The following HYDIN variants were observed in gnomAD, a reference collection of about 807,000 sequenced individuals.
The protein encoded by HYDIN is axonemal central pair apparatus protein HYDIN.
In HYDIN, 132 loss-of-function variants were observed where a neutral mutation model predicts 403.9. The observed-to-expected ratio is 0.33, with a 90% CI of 0.28 to 0.38. The LOEUF (loss-of-function observed/expected upper bound fraction) is 0.38, where lower values mean the gene tolerates loss of function less well. HYDIN is among the 10% of genes least tolerant of loss of function. The pLI is 1.00. For synonymous variants in HYDIN, 1,202 were observed against 1,891.7 expected, an observed-to-expected ratio of 0.64 and a Z score of 9.46; for missense variants, 2,827 against 5,009.5, an observed-to-expected ratio of 0.56 and a Z score of 13.15.
chr16:70,840,330 A>G, intron 75 of HYDIN, 97 bp from the exon 76 acceptor site: 2 of 1,111,198 alleles, frequency 1.8e-6, no homozygotes, highest in Non-Finnish European at 2.6e-6. Context: ...TTGGTGCTTT[A>G]ACAAATACAG....
chr16:70,908,442 T>A lies in HYDIN; in HGVS notation c.8214-8A>T, dbSNP rs2076597589. The A allele has an allele frequency of 5.9e-6, 6 of 1,019,644 alleles. No homozygotes were observed. The Middle Eastern group carries it at 1.3e-3, about 221-fold the overall frequency. The allele number at this position is 1,019,644 out of a possible 1,614,324, so 63.2% of individuals were successfully genotyped here. On this transcript the variant is annotated splice_region_variant and splice_polypyrimidine_tract_variant and intron_variant, in intron 48 of 85. Transcript: ENST00000393567. Reference sequence around the variant, plus strand: ...CACCGGAAGTGATTCAGTCTGCAAATGACCACACAGGTTTATAAAGTGAGA... The same window carrying A: ...CACCGGAAGTGATTCAGTCTGCAAAAGACCACACAGGTTTATAAAGTGAGA...
At chr16:70,951,803 CA>C (rs2078084744) in intron 41 of HYDIN, among the ~76,000 whole-genome samples, 1 of 105,620 alleles carries the variant, frequency 9.5e-6, no homozygotes, top group Admixed American at 1.1e-4. Context: ...CCTTCACTTT[CA>C]AACATCATAA....
intron 18 of HYDIN, among the ~76,000 whole-genome samples, chr16:71,036,326 G>C (rs535751203): frequency 9.2e-5 from 14 of 152,242 alleles, no homozygotes; most frequent in African/African-American, 3.4e-4. Flanking sequence ...TTGATGGCCT[G>C]TTAGCATCCT....
chr16:71,045,032 G>A (rs2081407681), intron 18 of HYDIN, among the ~76,000 whole-genome samples: 1 of 151,734 alleles, frequency 6.6e-6, no homozygotes, highest in African/African-American at 2.4e-5. Context: ...TCCTTTCAGA[G>A]TCCCAACCAA....
chr16:70,902,445 T>C (rs182079910), intron 52 of HYDIN, among the ~76,000 whole-genome samples: 246 of 150,186 alleles, frequency 1.6e-3, no homozygotes, highest in Admixed American at 3.1e-3. Context: ...CTGTCTCTAC[T>C]AAAAACAAAA....
intron 47 of HYDIN, among the ~76,000 whole-genome samples, chr16:70,914,266 G>T (rs535426723): frequency 4.7e-4 from 71 of 152,120 alleles, no homozygotes; most frequent in Non-Finnish European, 4.4e-5. Context: ...GTTCTGTTTT[G>T]ATGTGTTTCC....
At chr16:70,931,806 G>C (rs1366785531) in intron 45 of HYDIN, among the ~76,000 whole-genome samples, 1 of 151,984 alleles carries the variant, frequency 6.6e-6, no homozygotes, top group Non-Finnish European at 1.5e-5. Context: ...CTTGAGGTCA[G>C]GAGTTCAAGA....
At chr16:71,219,904 A>G (rs1318675770) in intron 1 of HYDIN, among the ~76,000 whole-genome samples, 1 of 152,210 alleles carries the variant, frequency 6.6e-6, no homozygotes, top group African/African-American at 2.4e-5. Flanking sequence ...TATTTGAAAG[A>G]AAAAGTTTGC....
At chr16:71,035,985 G>T (rs1434611491) in intron 18 of HYDIN, among the ~76,000 whole-genome samples, 1 of 150,616 alleles carries the variant, frequency 6.6e-6, no homozygotes. Context: ...CCCAGTGGAG[G>T]TTAGGAAATG....
intron 20 of HYDIN, among the ~76,000 whole-genome samples, chr16:71,026,208 G>C (rs1159366887): frequency 6.6e-6 from 1 of 152,260 alleles, no homozygotes; most frequent in East Asian, 1.9e-4. Flanking sequence ...CCAAATTTTT[G>C]CCTTTTATAC....
intron 10 of HYDIN, among the ~76,000 whole-genome samples, chr16:71,102,176 C>T (rs1437620800): frequency 1.3e-5 from 2 of 151,704 alleles, no homozygotes; most frequent in Non-Finnish European, 2.9e-5. Context: ...ACTGACTACA[C>T]AAAATTTTAA....
intron 1 of HYDIN, among the ~76,000 whole-genome samples, chr16:71,228,415 C>G (rs1372130241): frequency 4.6e-5 from 7 of 152,098 alleles, no homozygotes; most frequent in African/African-American, 7.2e-5. Flanking sequence ...CTACTCATCT[C>G]ACAAAGGGCT....
intron 7 of HYDIN, among the ~76,000 whole-genome samples, chr16:71,148,708 T>C (rs906301992): frequency 6.7e-6 from 1 of 148,376 alleles, no homozygotes; most frequent in Non-Finnish European, 1.5e-5. Flanking sequence ...TGTGAGAAAA[T>C]ATTCACAATA....
chr16:70,883,809 G>C, intron 59 of HYDIN, 111 bp downstream of exon 59: 2 of 1,309,496 alleles, frequency 1.5e-6, no homozygotes, highest in Non-Finnish European at 2.1e-6. Context: ...GACCTTAGGT[G>C]ATCTGCCCGC....
intron 1 of HYDIN, among the ~76,000 whole-genome samples, chr16:71,188,015 T>C (rs2087238760): frequency 6.6e-6 from 1 of 152,164 alleles, no homozygotes; most frequent in African/African-American, 2.4e-5. Flanking sequence ...TTGGTTCCAG[T>C]GGAAAGTTCA....
At chr16:70,927,564 G>A (rs2077191989) in intron 45 of HYDIN, among the ~76,000 whole-genome samples, 2 of 139,230 alleles carry the variant, frequency 1.4e-5, no homozygotes, top group Non-Finnish European at 3.3e-5. Context: ...TAGCCCTGCT[G>A]GGCAGGAGCA....
intron 45 of HYDIN, among the ~76,000 whole-genome samples, chr16:70,929,132 A>C (rs1275819689): frequency 6.8e-6 from 1 of 147,774 alleles, no homozygotes; most frequent in Non-Finnish European, 1.5e-5. Context: ...TCTACTAAAA[A>C]TACAAAAATT....
chr16:71,010,382 C>T (rs745951264), intron 23 of HYDIN, among the ~76,000 whole-genome samples: 6 of 152,142 alleles, frequency 3.9e-5, no homozygotes, highest in Admixed American at 1.3e-4. Context: ...GAGGTACCTG[C>T]GGCCCTTGGA....
chr16:71,138,434 T>G (rs555748639), intron 7 of HYDIN, among the ~76,000 whole-genome samples: 1 of 127,430 alleles, frequency 7.8e-6, no homozygotes, highest in Non-Finnish European at 1.6e-5. Flanking sequence ...ATCTAGGCAT[T>G]TGACTTTAAA....
Sources: gnomAD v4.1 joint callset for allele counts (sites outside exome capture counted in the v4.1 genomes callset) on GRCh38, gnomAD v4.1.1 for gene constraint, MANE v1.5 for transcripts, NCBI Gene and HGNC (gene_info 2026-07-23, HGNC 2026-07-21) for gene names.